The following ETNK1 variants were observed in gnomAD, a reference collection of about 807,000 sequenced individuals.
ETNK1 encodes the protein putative protein product of Nbla10396.
In ETNK1, 8 loss-of-function variants were observed where a neutral mutation model predicts 45.1. That is an observed-to-expected ratio of 0.18 (90% CI 0.10 to 0.32). The LOEUF (loss-of-function observed/expected upper bound fraction) is 0.32, where lower values mean the gene tolerates loss of function less well. Ranked by LOEUF, ETNK1 falls within the 10% of genes least tolerant of loss-of-function variation. ETNK1 has a pLI of 1.00. For synonymous variants in ETNK1, 152 were observed against 151.9 expected (o/e 1.00, Z -0.01); for missense variants, 302 against 430.6 (o/e 0.70, Z 2.64).
Position 22,684,946 on chromosome 12 carries a change from C to T in ETNK1, c.1084C>T (p.Pro362Ser), listed in dbSNP as rs758249870. ...GCCTGAGGTTACTGCATTAAAAGTGCCTGAGTAAAGAAGAGATTTAATTAT... is the reference window on the plus strand; with the variant it reads ...GCCTGAGGTTACTGCATTAAAAGTGTCTGAGTAAAGAAGAGATTTAATTAT... ...MKPEVTALKV[P>S]E Residue 362 changes from proline to serine, a missense_variant, in exon 8 of 8, where the codon CCT becomes TCT. Transcript: ENST00000266517. 1 of 1,601,856 alleles carries T rather than the reference C, an allele frequency of 6.2e-7. No homozygotes were observed. The highest frequency in any genetic ancestry group is 1.3e-5 in the African/African-American group (1 of 74,480).
intron 4 of ETNK1, among the ~76,000 whole-genome samples, chr12:22,666,166 T>G (rs1031291103): frequency 6.6e-6 from 1 of 152,042 alleles, no homozygotes; most frequent in Non-Finnish European, 1.5e-5. Flanking sequence ...CTTTCTGAAG[T>G]TGATGGTAGC....
At chr12:22,648,052 C>G (rs897550525) in intron 2 of ETNK1, among the ~76,000 whole-genome samples, 4 of 151,820 alleles carry the variant, frequency 2.6e-5, no homozygotes, top group African/African-American at 9.7e-5. Flanking sequence ...AAGAGATTTT[C>G]CTTTTAAAGA....
intron 2 of ETNK1, among the ~76,000 whole-genome samples, chr12:22,650,911 A>G (rs1018026800): frequency 2.6e-5 from 4 of 152,200 alleles, no homozygotes; most frequent in Non-Finnish European, 5.9e-5. Context: ...AAATTTGATT[A>G]TGGTAAATGC....
intron 1 of ETNK1, among the ~76,000 whole-genome samples, chr12:22,641,109 C>T (rs1263277564): frequency 6.6e-6 from 1 of 151,996 alleles, no homozygotes; most frequent in Non-Finnish European, 1.5e-5. Context: ...TGTTCTCCAG[C>T]CAGAGACCAG....
chr12:22,639,676 A>G (rs1396403465), intron 1 of ETNK1, among the ~76,000 whole-genome samples: 1 of 152,126 alleles, frequency 6.6e-6, no homozygotes, highest in African/African-American at 2.4e-5. Context: ...GACTCTCAAA[A>G]AAAAAAAGAG....
intron 6 of ETNK1, among the ~76,000 whole-genome samples, chr12:22,679,779 C>CA (rs959773761): frequency 2.7e-5 from 4 of 150,490 alleles, no homozygotes; most frequent in African/African-American, 9.8e-5. Context: ...TGGCTCACTG[C>CA]AACCTCTGCC....
Position 22,657,062 on chromosome 12 carries a change from T to G in ETNK1, c.417-1952T>G, listed in dbSNP as rs61921419. Among the ~76,000 whole-genome samples, 303 of 152,266 alleles carry G rather than the reference T, an allele frequency of 2.0e-3. 1 individual carries two copies. The highest frequency in any genetic ancestry group is 3.7e-3 in the Non-Finnish European group (250 of 68,004). The stretch of plus-strand genomic sequence containing the variant: ...ATTTGCACTTTCCTTTGTTTTGATT[T>G]TATCACCACCTGGCCTTTCCATCAA... On this transcript the variant is annotated intron_variant, in intron 2 of 7. Coordinates refer to ENST00000266517, the MANE Select transcript of ETNK1 (RefSeq NM_018638.5).
intron 1 of ETNK1, among the ~76,000 whole-genome samples, chr12:22,633,042 T>C (rs1050033805): frequency 2.0e-5 from 3 of 152,318 alleles, no homozygotes; most frequent in Admixed American, 6.5e-5. Flanking sequence ...ATTATGCTTC[T>C]TACAATTATA....
At chr12:22,650,215 A>G (rs780012604) in intron 2 of ETNK1, among the ~76,000 whole-genome samples, 5 of 151,572 alleles carry the variant, frequency 3.3e-5, no homozygotes, top group African/African-American at 7.3e-5. Context: ...TTTTCTCCAT[A>G]GAAAATCATG....
rs1954104299 is a variant in ETNK1 at position 22,671,269 on chromosome 12, T to C, written c.701-3T>C. On this transcript the variant is annotated splice_region_variant and splice_polypyrimidine_tract_variant and intron_variant, in intron 4 of 7. Coordinates refer to ENST00000266517, the MANE Select transcript of ETNK1 (RefSeq NM_018638.5). ...AATGTCTTTGTTTTTGTGTCTCACATAGGTGATGTACAGTTCATTGATTAT... is the reference window on the plus strand; with the variant it reads ...AATGTCTTTGTTTTTGTGTCTCACACAGGTGATGTACAGTTCATTGATTAT... 12 of 1,589,092 alleles carry C rather than the reference T, an allele frequency of 7.6e-6. No homozygotes were observed. The highest frequency in any genetic ancestry group is 4.0e-5 in the African/African-American group (3 of 74,596).
chr12:22,690,365 A>G lies in ETNK1; in HGVS notation c.*5411A>G, dbSNP rs896914708. ...TTCATGTTCAAAATTTAAGTTTTAC[A>G]TTTTTACTACTGTTAATTTAAATAA... On this transcript the variant is annotated 3_prime_UTR_variant, in exon 8 of 8. Coordinates refer to ENST00000266517, the MANE Select transcript of ETNK1 (RefSeq NM_018638.5). 3 of 152,508 alleles carry G rather than the reference A, an allele frequency of 2.0e-5. No homozygotes were observed. The highest frequency in any genetic ancestry group is 7.2e-5 in the African/African-American group (3 of 41,452). 9.4% of individuals were successfully genotyped at this position (152,508 alleles called of 1,614,324 possible). A position where few individuals can be genotyped will look rare whatever the true frequency, so the allele number is the denominator to read the frequency against.
At chr12:22,670,438 T>A (rs1954096951) in intron 4 of ETNK1, among the ~76,000 whole-genome samples, 1 of 152,082 alleles carries the variant, frequency 6.6e-6, no homozygotes, top group Non-Finnish European at 1.5e-5. Context: ...CCTATATCTT[T>A]GTTAAGGCAA....
At chr12:22,678,873 G>A (rs1459060203) in intron 6 of ETNK1, among the ~76,000 whole-genome samples, 2 of 152,188 alleles carry the variant, frequency 1.3e-5, no homozygotes, top group Non-Finnish European at 2.9e-5. Context: ...GCCTGTCACA[G>A]ACTAAGTGTT....
At position 22,673,551 on chromosome 12, in the gene ETNK1, A is replaced by C; in HGVS notation, c.836A>C (p.Gln279Pro). ...TATCCAGATAGAGAACTACAGAGTC[A>C]GTGGCTGCGTGCTTACCTTGAAGCC... is the stretch of plus-strand genomic sequence containing the variant. ...SLYPDRELQS[Q>P]WLRAYLEAYK... The change falls in exon 6 of 8, where the codon CAG becomes CCG. Residue 279 changes from glutamine (Q) to proline (P), a missense_variant. Around this residue, in one of 3 missense-constraint regions of ETNK1, gnomAD observed 94 missense variants for 152.9 expected, o/e 0.61. Transcript: ENST00000266517. 6.2e-7 allele frequency: 1 copy of C among 1,613,936 alleles called. No individual in the cohort carries two copies. Among genetic ancestry groups the C allele is most frequent in the Non-Finnish European group, 8.5e-7 (1 of 1,179,888 alleles).
intron 1 of ETNK1, among the ~76,000 whole-genome samples, chr12:22,634,148 A>G (rs1204503719): frequency 6.6e-6 from 1 of 152,094 alleles, no homozygotes; most frequent in African/African-American, 2.4e-5. Flanking sequence ...AAGTATTTTC[A>G]TCATGAATGA....
intron 5 of ETNK1, among the ~76,000 whole-genome samples, chr12:22,671,730 T>C (rs1954109088): frequency 6.6e-6 from 1 of 151,218 alleles, no homozygotes; most frequent in South Asian, 2.1e-4. Flanking sequence ...TCCCAGCTAC[T>C]TGGGAGGCTG....
Position 22,690,350 on chromosome 12 carries a change from A to C in ETNK1, c.*5396A>C, listed in dbSNP as rs531536123. 1 of 152,656 alleles carries C rather than the reference A, an allele frequency of 6.6e-6. No homozygotes were observed. Among genetic ancestry groups the C allele is most frequent in the East Asian group, 1.9e-4 (1 of 5,186 alleles). 9.5% of individuals were successfully genotyped at this position (152,656 alleles called of 1,614,324 possible). A position where few individuals can be genotyped will look rare whatever the true frequency, so the allele number is the denominator to read the frequency against. ...TTCTTGTTTCATATTTTCATGTTCA[A>C]AATTTAAGTTTTACATTTTTACTAC... On this transcript the variant is annotated 3_prime_UTR_variant, in exon 8 of 8. Coordinates refer to ENST00000266517, the MANE Select transcript of ETNK1 (RefSeq NM_018638.5).
chr12:22,625,213 G>C lies in ETNK1; in HGVS notation c.-218G>C. The C allele has an allele frequency of 4.3e-6, 7 of 1,610,122 alleles. No homozygotes were observed. The highest frequency in any genetic ancestry group is 1.3e-5 in the African/African-American group (1 of 74,974). On this transcript the variant is annotated 5_prime_UTR_variant, in exon 1 of 8. Transcript: ENST00000266517. ...AGCTCCGACAACAGGAATTTTCTCC[G>C]AGAGCGGGCCGGGCTCAGTTCAGCT... is the stretch of plus-strand genomic sequence containing the variant.
At chr12:22,635,231 T>G (rs1953639693) in intron 1 of ETNK1, among the ~76,000 whole-genome samples, 1 of 152,232 alleles carries the variant, frequency 6.6e-6, no homozygotes, top group Non-Finnish European at 1.5e-5. Context: ...TCCTTTGCTC[T>G]GCTTCAGTAT....
Sources: allele counts gnomAD v4.1 joint callset (sites outside exome capture counted in the v4.1 genomes callset), GRCh38; gene constraint gnomAD v4.1.1; regional missense constraint gnomAD v4.1.1; transcripts MANE v1.5; gene names NCBI Gene and HGNC (gene_info 2026-07-23, HGNC 2026-07-21).